The following MCF2L variants were observed in gnomAD, a reference collection of about 807,000 sequenced individuals.
MCF2L encodes the protein MCF.2 cell line derived transforming sequence like.
Under a neutral mutation model 153.4 loss-of-function variants are expected in MCF2L, and 97 were observed. That is an observed-to-expected ratio of 0.63 (90% confidence interval 0.54 to 0.75). The LOEUF is 0.75. Among genes scored for constraint, MCF2L ranks in the 30% least tolerant of loss-of-function variants. The pLI is 0.00. For synonymous variants in MCF2L, 659 were observed against 632.2 expected (o/e 1.04, Z -0.64); for missense variants, 1,347 against 1,495.2 (o/e 0.90, Z 1.64).
Position 113,005,091 on chromosome 13 carries a change from G to A in MCF2L, c.80-9672G>A, listed in dbSNP as rs527810904. On this transcript the variant is annotated intron_variant, in intron 1 of 29. Coordinates refer to ENST00000535094, the MANE Select transcript of MCF2L (RefSeq NM_001112732.3). ...ACACGTGGAATCGACCCCAGTGGCCGTTAGTGGATGGGCGCGTGAAGATGA... is the reference window on the plus strand; with the variant it reads ...ACACGTGGAATCGACCCCAGTGGCCATTAGTGGATGGGCGCGTGAAGATGA... 3.2e-4 allele frequency among the ~76,000 whole-genome samples: 48 copies of A among 152,340 alleles called. 1 individual carries two copies. Among genetic ancestry groups the A allele is most frequent in the African/African-American group, 9.1e-4 (38 of 41,578 alleles).
In MCF2L at chr13:113,064,507, C is replaced by G; in HGVS notation, c.606+87C>G. On this transcript the variant is annotated intron_variant, in intron 6 of 29. Coordinates refer to ENST00000535094, the MANE Select transcript of MCF2L (RefSeq NM_001112732.3). The surrounding 1 kb of genome is among the most constrained non-coding windows in gnomAD (Gnocchi z 6.0). ...CTCTTGCATTACAACACGGCCCTTTCCAAAAACACATTCACATTAACAGTC... is the reference window on the plus strand; with the variant it reads ...CTCTTGCATTACAACACGGCCCTTTGCAAAAACACATTCACATTAACAGTC... 1 of 810,964 alleles carries G rather than the reference C, an allele frequency of 1.2e-6. No homozygotes were observed. Among genetic ancestry groups the G allele is most frequent in the Non-Finnish European group, 2.1e-6 (1 of 478,146 alleles). The allele number at this position is 810,964 out of a possible 1,614,324, so 50.2% of individuals were successfully genotyped here. A position where few individuals can be genotyped will look rare whatever the true frequency, so the allele number is the denominator to read the frequency against.
intron 2 of MCF2L, among the ~76,000 whole-genome samples, chr13:113,018,468 C>T (rs767939540): frequency 2.6e-5 from 4 of 152,246 alleles, no homozygotes; most frequent in East Asian, 1.9e-4. Context: ...CTTGTCCTTC[C>T]GGGCAGAGCT....
intron 1 of MCF2L, among the ~76,000 whole-genome samples, chr13:112,972,261 A>G (rs1171553129): frequency 2.1e-5 from 3 of 145,792 alleles, no homozygotes; most frequent in African/African-American, 7.5e-5. Flanking sequence ...GGGTGGATGG[A>G]TGGGTGGGTG....
intron 1 of MCF2L, among the ~76,000 whole-genome samples, chr13:112,896,271 G>C (rs185053872): frequency 0.011 from 1,695 of 151,772 alleles, 30 homozygotes; most frequent in African/African-American, 0.039. Context: ...TCTCTTCACC[G>C]CCCCCCCGAG....
At chr13:112,916,169 C>T (rs1360411979) in intron 2 of MCF2L, among the ~76,000 whole-genome samples, 2 of 147,758 alleles carry the variant, frequency 1.4e-5, no homozygotes, top group Admixed American at 6.7e-5. Flanking sequence ...GATTGCGCCA[C>T]TATACTCTAG....
chr13:113,078,886 C>A (rs1350671031), intron 15 of MCF2L, 147 bp downstream of exon 15: 1 of 769,644 alleles, frequency 1.3e-6, no homozygotes. Flanking sequence ...CAACCGATAC[C>A]CAGAGGGCCT....
intron 2 of MCF2L, among the ~76,000 whole-genome samples, chr13:113,016,683 C>T (rs536628230): frequency 9.8e-5 from 15 of 152,286 alleles, no homozygotes. Flanking sequence ...CCCCATCCCC[C>T]TGCCTCCCGC....
intron 1 of MCF2L, among the ~76,000 whole-genome samples, chr13:113,010,937 G>A (rs527658473): frequency 4.6e-5 from 7 of 152,330 alleles, no homozygotes; most frequent in East Asian, 1.9e-4. Context: ...TCCTCCGTGC[G>A]CTTCTTAGTC....
chr13:112,954,855 T>TC, intron 2 of MCF2L, among the ~76,000 whole-genome samples: 1 of 152,326 alleles, frequency 6.6e-6, no homozygotes, highest in Middle Eastern at 3.4e-3. Flanking sequence ...CTTCCTGCTG[T>TC]CACCTGTGGG....
In MCF2L at chr13:113,094,834, G is replaced by C. The variant is rs60373243; in HGVS notation, c.3075+199G>C. On this transcript the variant is annotated intron_variant, in intron 27 of 29. Transcript: ENST00000535094. ...TCTCTGGAAGGTCCACCCAGACCTGGGTCTTGGGGCACAGCCCCAGCTCCT... is the reference window on the plus strand; with the variant it reads ...TCTCTGGAAGGTCCACCCAGACCTGCGTCTTGGGGCACAGCCCCAGCTCCT... 7,062 of 1,078,196 alleles carry C rather than the reference G, an allele frequency of 6.5e-3. 339 individuals are homozygous for C. In the African/African-American group the frequency reaches 0.099, roughly 15 times the overall value. The allele number at this position is 1,078,196 out of a possible 1,614,324, so 66.8% of individuals were successfully genotyped here.
intron 2 of MCF2L, among the ~76,000 whole-genome samples, chr13:112,933,165 C>T (rs559380752): frequency 3.5e-4 from 54 of 152,370 alleles, no homozygotes; most frequent in African/African-American, 1.2e-3. Context: ...CCTGGAGGTC[C>T]GGGCGCTGGC....
intron 1 of MCF2L, among the ~76,000 whole-genome samples, chr13:113,007,794 G>A (rs556149499): frequency 3.1e-4 from 47 of 152,298 alleles, no homozygotes; most frequent in African/African-American, 7.5e-4. Context: ...GGTGATTGCC[G>A]GACTTACATC....
intron 26 of MCF2L, chr13:113,090,388 C>T: frequency 1.0e-6 from 1 of 985,446 alleles, no homozygotes; most frequent in Non-Finnish European, 1.2e-6. Context: ...GAGGCTTGCT[C>T]AGAAACGGAG....
intron 3 of MCF2L, among the ~76,000 whole-genome samples, chr13:113,032,474 G>A (rs1195934585): frequency 6.6e-6 from 1 of 152,236 alleles, no homozygotes; most frequent in Non-Finnish European, 1.5e-5. Context: ...GGACAGCACA[G>A]GACATGCCGC....
In MCF2L at chr13:112,960,324, G is replaced by A. The variant is rs184040128; in HGVS notation, c.170-54439G>A. The stretch of plus-strand genomic sequence containing the variant: ...CGCTCTCACAACTGAAACAGCGCTC[G>A]TCCAGTCATGAGGGCAGGGTCCTCA... On this transcript the variant is annotated intron_variant, in intron 2 of 29. Coordinates refer to the MCF2L transcript ENST00000375608. This position sits in a 1 kb window ranked among gnomAD's most constrained non-coding sequence, Gnocchi z 4.2. 6.6e-6 allele frequency among the ~76,000 whole-genome samples: 1 copy of A among 152,272 alleles called. No individual in the cohort carries two copies. Among genetic ancestry groups the A allele is most frequent in the East Asian group, 1.9e-4 (1 of 5,166 alleles).
chr13:112,981,702 A>C (rs1393265604), intron 1 of MCF2L, among the ~76,000 whole-genome samples: 1 of 152,130 alleles, frequency 6.6e-6, no homozygotes, highest in African/African-American at 2.4e-5. Flanking sequence ...AGGCAGGGGG[A>C]CGCATAGCCC....
intron 2 of MCF2L, among the ~76,000 whole-genome samples, chr13:112,944,806 G>C (rs1419106376): frequency 6.6e-6 from 1 of 152,116 alleles, no homozygotes; most frequent in Non-Finnish European, 1.5e-5. Context: ...TTCTGAAAGA[G>C]CCAGCCTCTT....
chr13:113,087,315 G>A lies in MCF2L; in HGVS notation c.2454G>A (p.Lys818=), dbSNP rs142879850. ...CCGACCACAAGAGGGGCCACACCAAGGTGAAGGAGCTGGCCAGGTTCAAGC... is the reference window on the plus strand; with the variant it reads ...CCGACCACAAGAGGGGCCACACCAAAGTGAAGGAGCTGGCCAGGTTCAAGC... ...VWTDHKRGHT[K]VKELARFKPM... The change falls in exon 22 of 30, where the codon AAG becomes AAA. Residue 818 remains lysine, a synonymous_variant. Coordinates refer to ENST00000535094, the MANE Select transcript of MCF2L (RefSeq NM_001112732.3). The A allele has an allele frequency of 1.7e-5, 28 of 1,613,380 alleles. No homozygotes were observed. Among genetic ancestry groups the A allele is most frequent in the Middle Eastern group, 3.3e-4 (2 of 6,046 alleles).
At position 113,011,204 on chromosome 13, in the gene MCF2L, A is replaced by G. The variant is rs566518015; in HGVS notation, c.80-3559A>G. 5.3e-5 allele frequency among the ~76,000 whole-genome samples: 8 copies of G among 152,330 alleles called. No homozygotes were observed. The South Asian group carries it at 1.5e-3, about 28-fold the overall frequency. The stretch of plus-strand genomic sequence containing the variant: ...GCCTCTTCAGGTTCACAGAGTGGCC[A>G]GTGACCACTTCAGATGTAGCGATAT... On this transcript the variant is annotated intron_variant, in intron 1 of 29. Coordinates refer to ENST00000535094, the MANE Select transcript of MCF2L (RefSeq NM_001112732.3).
Sources: gnomAD v4.1 joint callset for allele counts (sites outside exome capture counted in the v4.1 genomes callset) on GRCh38, gnomAD v4.1.1 for gene constraint, Gnocchi (gnomAD v3.1) non-coding constraint, MANE v1.5 for transcripts, NCBI Gene and HGNC (gene_info 2026-07-23, HGNC 2026-07-21) for gene names.